Variants in CEP128 observed in about 807,000 individuals in gnomAD.
CEP128 encodes centrosomal protein 128.
In CEP128, 132 loss-of-function variants were observed where a neutral mutation model predicts 156.7. The observed-to-expected ratio is 0.84, with a 90% CI of 0.73 to 0.97. The LOEUF (loss-of-function observed/expected upper bound fraction) is 0.97. CEP128 is among the 50% of genes least tolerant of loss of function. The pLI, the probability that CEP128 is intolerant of heterozygous loss-of-function variation, is 0.00. For synonymous variants in CEP128, 469 were observed against 448.9 expected (o/e 1.04, Z -0.57); for missense variants, 1,252 against 1,281.9 (o/e 0.98, Z 0.36).
chr14:80,579,451 A>T (rs1312353362), intron 20 of CEP128, among the ~76,000 whole-genome samples: 1 of 152,242 alleles, frequency 6.6e-6, no homozygotes, highest in East Asian at 1.9e-4. Context: ...TTGCATTTTC[A>T]GATCAATTAT....
chr14:80,834,585 TAA>T (rs961157609), intron 12 of CEP128, among the ~76,000 whole-genome samples: 9 of 152,164 alleles, frequency 5.9e-5, no homozygotes, highest in African/African-American at 2.2e-4. Context: ...ATCACATATA[TAA>T]AAAAACTTCC....
chr14:80,705,447 G>T (rs1010551730), intron 19 of CEP128, among the ~76,000 whole-genome samples: 4 of 152,110 alleles, frequency 2.6e-5, no homozygotes, highest in African/African-American at 9.7e-5. Context: ...AGGTGAGAGA[G>T]AATTAGTCAG....
Position 80,504,960 on chromosome 14 carries a change from G to T in CEP128, c.3133C>A (p.Gln1045Lys). The T allele has an allele frequency of 6.2e-7, 1 of 1,606,444 alleles. No individual in the cohort carries two copies. The highest frequency in any genetic ancestry group is 8.5e-7 in the Non-Finnish European group (1 of 1,175,670). The change falls in exon 24 of 25, where the codon CAG (glutamine) becomes AAG (lysine). Residue 1045 changes from glutamine (Q) to lysine (K), a missense_variant. By Grantham distance (53) the Gln-to-Lys change is moderately conservative (BLOSUM62 1). Transcript: ENST00000555265. Reference protein sequence around the residue: ...TRGLDHSSSWQDHSRFLSSPR... With the variant: ...TRGLDHSSSWKDHSRFLSSPR... ...CTAGACAGGAAGCGACTGTGATCCT[G>T]CCAAGAGGATGAGTGATCTAACCCA... is the stretch of plus-strand genomic sequence containing the variant.
At chr14:80,863,430 A>G (rs1387903118) in intron 8 of CEP128, among the ~76,000 whole-genome samples, 1 of 152,232 alleles carries the variant, frequency 6.6e-6, no homozygotes, top group Non-Finnish European at 1.5e-5. Flanking sequence ...ACTAAAGTCA[A>G]ACTGAAAATG....
At chr14:80,531,287 T>C (rs889349763) in intron 21 of CEP128, among the ~76,000 whole-genome samples, 19 of 152,174 alleles carry the variant, frequency 1.2e-4, no homozygotes, top group Non-Finnish European at 1.2e-4. Context: ...CTATGGAGTA[T>C]ATTAGAGATT....
chr14:80,569,925 A>G (rs1891067753), intron 20 of CEP128, among the ~76,000 whole-genome samples: 1 of 152,214 alleles, frequency 6.6e-6, no homozygotes, highest in African/African-American at 2.4e-5. Flanking sequence ...AAGGAAAAGT[A>G]TTACCGAGAG....
intron 23 of CEP128, among the ~76,000 whole-genome samples, chr14:80,516,160 C>A (rs758272534): frequency 2.0e-5 from 3 of 152,106 alleles, no homozygotes; most frequent in Non-Finnish European, 2.9e-5. Context: ...GCAAGACCTA[C>A]GGGCTCTTTA....
chr14:80,521,753 C>T (rs1888755866), intron 23 of CEP128, among the ~76,000 whole-genome samples: 1 of 152,144 alleles, frequency 6.6e-6, no homozygotes, highest in Non-Finnish European at 1.5e-5. Flanking sequence ...TTTAAAATCA[C>T]CAGTTTAACA....
chr14:80,589,551 A>G (rs913693982), intron 19 of CEP128, among the ~76,000 whole-genome samples: 1 of 152,026 alleles, frequency 6.6e-6, no homozygotes, highest in Non-Finnish European at 1.5e-5. Flanking sequence ...ATAAGCTGTG[A>G]CTCCAAAATT....
At chr14:80,811,231 G>T (rs188322246) in intron 13 of CEP128, among the ~76,000 whole-genome samples, 1 of 152,126 alleles carries the variant, frequency 6.6e-6, no homozygotes, top group Admixed American at 6.5e-5. Flanking sequence ...CTATTGTGCT[G>T]CAATGAACAT....
chr14:80,486,808 G>A (rs1411097238), downstream of CEP128, among the ~76,000 whole-genome samples: 3 of 151,678 alleles, frequency 2.0e-5, no homozygotes, highest in Non-Finnish European at 4.4e-5. Flanking sequence ...ACTTTACAGA[G>A]TAAAGTAAAG....
At chr14:80,820,838 C>T (rs148674254) in intron 13 of CEP128, among the ~76,000 whole-genome samples, 18 of 152,138 alleles carry the variant, frequency 1.2e-4, no homozygotes, top group African/African-American at 4.3e-4. Context: ...ACAAGTTTGC[C>T]AAATTTATTA....
chr14:80,621,680 C>T (rs1041017915), intron 19 of CEP128, among the ~76,000 whole-genome samples: 1 of 152,142 alleles, frequency 6.6e-6, no homozygotes, highest in Non-Finnish European at 1.5e-5. Flanking sequence ...TTCTTTTTCT[C>T]ACATGTCAAG....
intron 2 of CEP128, among the ~76,000 whole-genome samples, chr14:80,951,821 C>T (rs1034783038): frequency 5.9e-5 from 9 of 151,702 alleles, no homozygotes; most frequent in South Asian, 4.1e-4. Context: ...ACCATGATAA[C>T]GCTGATCAAA....
chr14:80,939,664 C>G (rs1371195086), intron 1 of CEP128, 124 bp from the exon 2 acceptor site: 1 of 152,188 alleles, frequency 6.6e-6, no homozygotes, highest in East Asian at 1.9e-4. Flanking sequence ...AGAAAATGCT[C>G]CTAGAATGAT....
At chr14:80,617,167 G>C (rs1260682105) in intron 19 of CEP128, among the ~76,000 whole-genome samples, 6 of 138,478 alleles carry the variant, frequency 4.3e-5, no homozygotes, top group African/African-American at 1.6e-4. Context: ...TTGGGCTCAA[G>C]TTCTACTCTC....
intron 23 of CEP128, among the ~76,000 whole-genome samples, chr14:80,516,240 G>A (rs1269273180): frequency 2.6e-5 from 4 of 152,098 alleles, no homozygotes; most frequent in South Asian, 2.1e-4. Flanking sequence ...TCTGACCCAG[G>A]ATCCATCTAG....
At chr14:80,489,267 T>TAAAAAA (rs35135843), downstream of CEP128, among the ~76,000 whole-genome samples, 2 of 108,032 alleles carry the variant, frequency 1.9e-5, no homozygotes, top group African/African-American at 7.1e-5. Context: ...TTGTAAAAGC[T>TAAAAAA]AAAAAAAAAA....
chr14:80,530,487 AG>A (rs1183529569), intron 22 of CEP128, among the ~76,000 whole-genome samples: 1 of 152,226 alleles, frequency 6.6e-6, no homozygotes, highest in Non-Finnish European at 1.5e-5. Context: ...TAACCAAAAA[AG>A]TTATCTATTG....
Sources: allele counts gnomAD v4.1 joint callset (sites outside exome capture counted in the v4.1 genomes callset), GRCh38; gene constraint gnomAD v4.1.1; transcripts MANE v1.5; gene names NCBI Gene and HGNC (gene_info 2026-07-23, HGNC 2026-07-21).